Variants in TMEM178A observed in about 807,000 individuals in gnomAD.
TMEM178A encodes transmembrane protein 178.
In TMEM178A, 12 loss-of-function variants were observed where a neutral mutation model predicts 29.1. The observed-to-expected ratio is 0.41, with a 90% CI of 0.26 to 0.67. The LOEUF (loss-of-function observed/expected upper bound fraction) is 0.67, where lower values mean the gene tolerates loss of function less well. Among genes scored for constraint, TMEM178A ranks in the 30% least tolerant of loss-of-function variants. The pLI is 0.29. For synonymous variants in TMEM178A, 210 were observed against 187.2 expected, an observed-to-expected ratio of 1.12 and a Z score of -0.99; for missense variants, 366 against 419.1, an observed-to-expected ratio of 0.87 and a Z score of 1.11.
chr2:39,693,068 C>T (rs182489853), intron 1 of TMEM178A, among the ~76,000 whole-genome samples: 59 of 152,098 alleles, frequency 3.9e-4, no homozygotes, highest in Admixed American at 5.2e-4. Context: ...GAGCGGAGAC[C>T]GTGCCACTGC....
chr2:39,676,348 G>A (rs1183041005), intron 1 of TMEM178A, among the ~76,000 whole-genome samples: 1 of 152,204 alleles, frequency 6.6e-6, no homozygotes, highest in Non-Finnish European at 1.5e-5. Flanking sequence ...GCAGACCCAA[G>A]GTAGGCAGTT....
intron 1 of TMEM178A, among the ~76,000 whole-genome samples, chr2:39,699,732 A>C (rs1671700691): frequency 6.6e-6 from 1 of 152,162 alleles, no homozygotes; most frequent in African/African-American, 2.4e-5. Flanking sequence ...TTGGGATTAC[A>C]GGCATGAGCT....
intron 1 of TMEM178A, among the ~76,000 whole-genome samples, chr2:39,682,036 T>A (rs922353380): frequency 6.6e-6 from 1 of 152,214 alleles, no homozygotes; most frequent in South Asian, 2.1e-4. Flanking sequence ...GACCTCAGTT[T>A]CTCATTTTAA....
intron 3 of TMEM178A, among the ~76,000 whole-genome samples, chr2:39,712,946 A>G (rs988019751): frequency 1.3e-5 from 2 of 152,218 alleles, no homozygotes; most frequent in Admixed American, 1.3e-4. Context: ...GGTAATCCCT[A>G]CTTGGGGTAA....
chr2:39,683,874 A>G (rs1269427022), intron 1 of TMEM178A, among the ~76,000 whole-genome samples: 2 of 152,208 alleles, frequency 1.3e-5, no homozygotes, highest in Non-Finnish European at 2.9e-5. Flanking sequence ...CTGGAATTAC[A>G]GTTCCTTTAG....
chr2:39,703,210 C>A (rs1478391712), intron 1 of TMEM178A, among the ~76,000 whole-genome samples: 1 of 152,182 alleles, frequency 6.6e-6, no homozygotes, highest in East Asian at 1.9e-4. Context: ...TGCATTTATC[C>A]AAACAACTGG....
chr2:39,687,229 C>T (rs1316201651), intron 1 of TMEM178A: 1 of 166,816 alleles, frequency 6.0e-6, no homozygotes, highest in Non-Finnish European at 1.5e-5. Flanking sequence ...TAGGGTCAAG[C>T]ACCTGATAGT....
chr2:39,719,978 A>C (rs1283222840), downstream of TMEM178A, among the ~76,000 whole-genome samples: 1 of 152,202 alleles, frequency 6.6e-6, no homozygotes, highest in East Asian at 1.9e-4. Context: ...CAAAACAGAC[A>C]AAGGTTTTTG....
chr2:39,729,971 C>T, the TMEM178A span, among the ~76,000 whole-genome samples: 1 of 152,082 alleles, frequency 6.6e-6, no homozygotes, highest in Non-Finnish European at 1.5e-5. Flanking sequence ...TCCCCAGCTC[C>T]CAAAATAAAT....
the TMEM178A span, among the ~76,000 whole-genome samples, chr2:39,732,220 T>C: frequency 6.6e-6 from 1 of 152,140 alleles, no homozygotes; most frequent in African/African-American, 2.4e-5. Flanking sequence ...GGGGCTGCAA[T>C]TAAATTCCCA....
intron 1 of TMEM178A, among the ~76,000 whole-genome samples, chr2:39,681,147 C>T (rs541721650): frequency 6.6e-6 from 1 of 152,126 alleles, no homozygotes; most frequent in Admixed American, 6.5e-5. Flanking sequence ...GATGAAAGGA[C>T]ATATCTAGGT....
chr2:39,684,158 A>G (rs1670977720), intron 1 of TMEM178A, among the ~76,000 whole-genome samples: 1 of 152,228 alleles, frequency 6.6e-6, no homozygotes, highest in African/African-American at 2.4e-5. Flanking sequence ...CTCTGTGAAC[A>G]TAGAATGATA....
intron 1 of TMEM178A, among the ~76,000 whole-genome samples, chr2:39,682,761 A>G (rs1401056867): frequency 1.3e-5 from 2 of 152,190 alleles, no homozygotes; most frequent in African/African-American, 2.4e-5. Context: ...TCCTTCCTAG[A>G]GGAGAAAATG....
intron 3 of TMEM178A, 152 bp from the exon 4 acceptor site, chr2:39,716,858 G>T (rs1473467528): frequency 3.0e-6 from 3 of 1,000,184 alleles, no homozygotes; most frequent in Non-Finnish European, 1.5e-6. Flanking sequence ...TTTGTTATAT[G>T]AATTAATTCA....
In TMEM178A at chr2:39,704,122, C is replaced by T; in HGVS notation, c.442C>T (p.Gln148Ter). ...RCTAIKYHFS[Q>*]PIRLRNIPFN... ...CACGGCCATCAAGTACCACTTTTCT[C>T]AGCCCATCCGCTTGCGAAACATTCC... The change falls in exon 2 of 4, where the codon CAG (glutamine) becomes TAG (stop). Residue 148 changes from glutamine to a stop codon, truncating the protein, a stop_gained. Transcript: ENST00000281961. LOFTEE classifies it high-confidence loss of function. 6.2e-7 allele frequency: 1 copy of T among 1,614,182 alleles called. No individual in the cohort carries two copies. The highest frequency in any genetic ancestry group is 8.5e-7 in the Non-Finnish European group (1 of 1,180,022).
At position 39,717,499 on chromosome 2, in the gene TMEM178A, C is replaced by G. The variant is rs1217790564; in HGVS notation, c.*248C>G. 2.6e-6 allele frequency: 1 copy of G among 384,918 alleles called. No homozygotes were observed. Among genetic ancestry groups the G allele is most frequent in the Non-Finnish European group, 4.5e-6 (1 of 220,726 alleles). 23.8% of individuals were successfully genotyped at this position (384,918 alleles called of 1,614,324 possible). On this transcript the variant is annotated 3_prime_UTR_variant, in exon 4 of 4. Transcript: ENST00000281961. ...TAGGGAGCAGTGCCATGGGACATTT[C>G]TAGGTGTAGAGAAAGAAGAAACTGC... is the stretch of plus-strand genomic sequence containing the variant.
chr2:39,689,140 C>G (rs546761964), intron 1 of TMEM178A, among the ~76,000 whole-genome samples: 1 of 152,120 alleles, frequency 6.6e-6, no homozygotes, highest in Admixed American at 6.5e-5. Context: ...TAGCTCAATA[C>G]GAAGGATTCT....
chr2:39,687,894 G>A (rs909967698), intron 1 of TMEM178A, among the ~76,000 whole-genome samples: 1 of 152,230 alleles, frequency 6.6e-6, no homozygotes, highest in Non-Finnish European at 1.5e-5. Context: ...AACTGATTTT[G>A]GAGGCAGATG....
chr2:39,698,745 C>T (rs1161552701), intron 1 of TMEM178A, among the ~76,000 whole-genome samples: 2 of 150,896 alleles, frequency 1.3e-5, no homozygotes, highest in African/African-American at 4.9e-5. Context: ...TTAATTCTTC[C>T]TTAAACATTT....
Sources: gnomAD v4.1 joint callset for allele counts (sites outside exome capture counted in the v4.1 genomes callset) on GRCh38, gnomAD v4.1.1 for gene constraint, MANE v1.5 for transcripts, NCBI Gene and HGNC (gene_info 2026-07-23, HGNC 2026-07-21) for gene names.